Variants in WWOX observed in about 807,000 individuals in gnomAD.
The protein encoded by WWOX is WW domain-containing oxidoreductase.
Under a neutral mutation model 46.2 loss-of-function variants are expected in WWOX, and 69 were observed. The ratio of observed to expected loss-of-function variants is 1.49; its 90% CI spans 1.23 to 1.82. The LOEUF (loss-of-function observed/expected upper bound fraction) is 1.82, where lower values mean the gene tolerates loss of function less well. Among genes scored for constraint, WWOX ranks in the 40% most tolerant of loss-of-function variants. The probability of loss-of-function intolerance (pLI) is 0.00; values close to 1 mark genes in which losing one functional copy is unlikely to be tolerated. For missense variants in WWOX, 919 were observed against 542.6 expected, an observed-to-expected ratio of 1.69 and a Z score of -6.89; for synonymous variants, 359 against 202.6, an observed-to-expected ratio of 1.77 and a Z score of -6.56.
intron 8 of WWOX, among the ~76,000 whole-genome samples, chr16:78,714,714 T>C (rs2048523342): frequency 6.6e-6 from 1 of 152,034 alleles, no homozygotes; most frequent in Admixed American, 6.5e-5. Context: ...TGAAGTCCAA[T>C]GGAACTTGGG....
chr16:78,932,574 C>T (rs566503276), intron 8 of WWOX, among the ~76,000 whole-genome samples: 2 of 152,366 alleles, frequency 1.3e-5, no homozygotes, highest in South Asian at 4.1e-4. Context: ...CGAAATGTTC[C>T]TGGCACCGTT....
Position 78,760,978 on chromosome 16 carries a change from G to C in WWOX, c.1056+328226G>C, listed in dbSNP as rs372952157. On this transcript the variant is annotated intron_variant, in intron 8 of 8. Coordinates refer to ENST00000566780, the MANE Select transcript of WWOX (RefSeq NM_016373.4). ...TTTATAATACCATCAGATCTCATGAGACTTATTCACTATCATGAGCATAGC... is the reference window on the plus strand; with the variant it reads ...TTTATAATACCATCAGATCTCATGACACTTATTCACTATCATGAGCATAGC... Among the ~76,000 whole-genome samples the C allele has an allele frequency of 5.9e-5, 9 of 152,240 alleles. No individual in the cohort carries two copies. In the East Asian group the frequency reaches 1.4e-3, roughly 23 times the overall value.
chr16:79,121,252 T>C (rs1162934804), intron 8 of WWOX, among the ~76,000 whole-genome samples: 2 of 152,214 alleles, frequency 1.3e-5, no homozygotes, highest in Non-Finnish European at 1.5e-5. Context: ...CTTTTCTGCC[T>C]ACCACAGATA....
chr16:78,468,141 C>A (rs2084126438), intron 8 of WWOX, among the ~76,000 whole-genome samples: 2 of 152,148 alleles, frequency 1.3e-5, no homozygotes, highest in East Asian at 1.9e-4. Flanking sequence ...CAAGAACTAC[C>A]TTTACACTGG....
At chr16:78,469,162 C>A (rs1188989554) in intron 8 of WWOX, among the ~76,000 whole-genome samples, 1 of 152,168 alleles carries the variant, frequency 6.6e-6, no homozygotes, top group African/African-American at 2.4e-5. Context: ...CAAGAAGTCA[C>A]CACATGCTTG....
At chr16:78,173,958 T>C (rs2035248171) in intron 5 of WWOX, among the ~76,000 whole-genome samples, 1 of 145,986 alleles carries the variant, frequency 6.8e-6, no homozygotes, top group Non-Finnish European at 1.5e-5. Flanking sequence ...TGAGAGGAAT[T>C]GAGAGAGAGA....
chr16:78,759,774 T>C (rs1240590555), intron 8 of WWOX, among the ~76,000 whole-genome samples: 2 of 152,188 alleles, frequency 1.3e-5, no homozygotes, highest in Non-Finnish European at 2.9e-5. Context: ...ATGTCTTATC[T>C]TACAGTTCTG....
intron 8 of WWOX, among the ~76,000 whole-genome samples, chr16:78,658,986 G>C (rs1318079488): frequency 7.3e-6 from 1 of 136,374 alleles, no homozygotes; most frequent in Admixed American, 7.3e-5. Context: ...TAGCTACTTG[G>C]GAGGCTGAGG....
rs569996246 is a variant in WWOX, at chr16:78,422,663, GTATA to G, written c.606-2188_606-2185del. Among the ~76,000 whole-genome samples, 229 of 24,410 alleles carry G rather than the reference GTATA, an allele frequency of 9.4e-3. 34 individuals carry two copies. Among genetic ancestry groups the G allele is most frequent in the South Asian group, 0.03 (15 of 498 alleles). 16.0% of individuals were successfully genotyped at this position (24,410 alleles called of 152,430 possible). On this transcript the variant is annotated intron_variant, in intron 6 of 8. Coordinates refer to ENST00000566780, the MANE Select transcript of WWOX (RefSeq NM_016373.4). ...GCCCAGCCTCCTGTTTTTTTTACAT[GTATA>G]TATATATATATATATATACACACAC... is the stretch of plus-strand genomic sequence containing the variant.
chr16:79,157,989 G>C (rs781748968), intron 8 of WWOX, among the ~76,000 whole-genome samples: 2 of 152,188 alleles, frequency 1.3e-5, no homozygotes, highest in Non-Finnish European at 2.9e-5. Flanking sequence ...TGGGGTGTAA[G>C]TTCTGGATTG....
At position 78,261,800 on chromosome 16, in the gene WWOX, A is replaced by C. The variant is rs1053981045; in HGVS notation, c.516+97511A>C. Among the ~76,000 whole-genome samples the C allele has an allele frequency of 3.1e-3, 352 of 112,760 alleles. 6 individuals are homozygous for C. Among genetic ancestry groups the C allele is most frequent in the Admixed American group, 7.7e-3 (89 of 11,484 alleles). 74.0% of individuals were successfully genotyped at this position (112,760 alleles called of 152,430 possible). ...TCTATCTATCTATCTATATATATAT[A>C]TATATATATATATATATACTTATAA... On this transcript the variant is annotated intron_variant, in intron 5 of 8. Transcript: ENST00000566780.
chr16:78,141,601 T>A (rs2033990805), intron 4 of WWOX, among the ~76,000 whole-genome samples: 1 of 152,282 alleles, frequency 6.6e-6, no homozygotes, highest in Middle Eastern at 3.4e-3. Flanking sequence ...CTACACTTTA[T>A]GGGAATTGTA....
At chr16:79,118,858 A>G (rs2049571124) in intron 8 of WWOX, among the ~76,000 whole-genome samples, 1 of 152,188 alleles carries the variant, frequency 6.6e-6, no homozygotes, top group Non-Finnish European at 1.5e-5. Flanking sequence ...TCTTAACTGC[A>G]ATTCTTAGTG....
intron 8 of WWOX, among the ~76,000 whole-genome samples, chr16:78,547,481 A>G (rs1353737889): frequency 6.6e-6 from 1 of 152,188 alleles, no homozygotes; most frequent in Admixed American, 6.5e-5. Context: ...ACTGTGCTCT[A>G]GACACTGTAT....
chr16:79,027,106 C>T (rs533117514), intron 8 of WWOX, among the ~76,000 whole-genome samples: 1 of 150,854 alleles, frequency 6.6e-6, no homozygotes, highest in South Asian at 2.1e-4. Context: ...ATGGTGAGAC[C>T]CCATCTCTAC....
chr16:78,748,192 A>C (rs1243307579), intron 8 of WWOX, among the ~76,000 whole-genome samples: 1 of 152,172 alleles, frequency 6.6e-6, no homozygotes, highest in Non-Finnish European at 1.5e-5. Context: ...GTGAACAGGC[A>C]CCAAAGCTAG....
chr16:78,386,900 T>A lies in WWOX; in HGVS notation c.557T>A (p.Leu186Gln). 1 of 1,614,188 alleles carries A rather than the reference T, an allele frequency of 6.2e-7. No individual in the cohort carries two copies. The part of the protein sequence containing the change: ...KVEAMTLDLA[L>Q]LRSVQHFAEA... ...GAAGCAATGACCCTGGACCTCGCTC[T>A]GCTCCGTAGCGTGCAGCATTTTGCT... The change falls in exon 6 of 9, where the codon CTG (leucine) becomes CAG (glutamine). Residue 186 changes from leucine (L) to glutamine (Q), a missense_variant. Physicochemically the swap from Leu to Gln is moderately radical, Grantham distance 113. Transcript: ENST00000566780.
At chr16:78,196,273 T>G (rs2036048633) in intron 5 of WWOX, among the ~76,000 whole-genome samples, 2 of 152,256 alleles carry the variant, frequency 1.3e-5, no homozygotes, top group South Asian at 4.1e-4. Context: ...TAGCTTCTGG[T>G]AAATACACTA....
intron 8 of WWOX, among the ~76,000 whole-genome samples, chr16:78,659,877 G>C (rs988397901): frequency 4.6e-5 from 7 of 152,044 alleles, no homozygotes; most frequent in Admixed American, 1.3e-4. Flanking sequence ...GCAAAGTCCG[G>C]GTCCCCAGGC....
Sources: gnomAD v4.1 joint callset for allele counts (sites outside exome capture counted in the v4.1 genomes callset) on GRCh38, gnomAD v4.1.1 for gene constraint, MANE v1.5 for transcripts, NCBI Gene and HGNC (gene_info 2026-07-23, HGNC 2026-07-21) for gene names.